Variants in CDK14 observed in about 807,000 individuals in gnomAD.
CDK14 encodes cyclin dependent kinase 14.
In CDK14, 34 loss-of-function variants were observed where a neutral mutation model predicts 60.7. That is an observed-to-expected ratio of 0.56 (90% confidence interval 0.43 to 0.75). The LOEUF is 0.75. Ranked by LOEUF, CDK14 falls within the 30% of genes least tolerant of loss-of-function variation. The pLI is 0.00. For missense variants in CDK14, 482 were observed against 564.1 expected (o/e 0.85, Z 1.47); for synonymous variants, 197 against 203.7 (o/e 0.97, Z 0.28).
intron 14 of CDK14, among the ~76,000 whole-genome samples, chr7:91,174,043 AC>A (rs1203043678): frequency 6.6e-6 from 1 of 152,142 alleles, no homozygotes; most frequent in Non-Finnish European, 1.5e-5. Flanking sequence ...ACCTCCGCAG[AC>A]TTAAATGTCC....
intron 10 of CDK14, among the ~76,000 whole-genome samples, chr7:91,033,031 A>T (rs1291494525): frequency 2.0e-5 from 3 of 152,188 alleles, no homozygotes; most frequent in Non-Finnish European, 4.4e-5. Flanking sequence ...GAACAACAAG[A>T]TGGTGAGCAA....
intron 3 of CDK14, among the ~76,000 whole-genome samples, chr7:90,744,650 C>T (rs994629742): frequency 1.4e-5 from 2 of 147,480 alleles, no homozygotes; most frequent in South Asian, 4.3e-4. Flanking sequence ...CTGACCCCCC[C>T]ACCTCCCTCC....
intron 2 of CDK14, among the ~76,000 whole-genome samples, chr7:90,630,554 T>G (rs1197479690): frequency 1.3e-5 from 2 of 152,244 alleles, no homozygotes; most frequent in African/African-American, 4.8e-5. Flanking sequence ...AAAGTTGTAC[T>G]TTGACTTATT....
At chr7:90,953,753 C>A (rs1306522979) in intron 8 of CDK14, among the ~76,000 whole-genome samples, 8 of 152,126 alleles carry the variant, frequency 5.3e-5, no homozygotes, top group Admixed American at 5.2e-4. Context: ...TTTGTAGCAT[C>A]CCATTTGACT....
intron 8 of CDK14, among the ~76,000 whole-genome samples, chr7:90,942,301 C>T (rs1365378650): frequency 6.6e-6 from 1 of 152,154 alleles, no homozygotes; most frequent in Non-Finnish European, 1.5e-5. Context: ...CCTGGGAAGT[C>T]TCATCTTAGA....
intron 5 of CDK14, among the ~76,000 whole-genome samples, chr7:90,820,775 AC>A (rs1229801952): frequency 6.6e-6 from 1 of 152,134 alleles, no homozygotes; most frequent in Admixed American, 6.5e-5. Context: ...ATTTCAGAAA[AC>A]CTACTATAAC....
intron 14 of CDK14, among the ~76,000 whole-genome samples, chr7:91,181,697 A>C (rs1802007276): frequency 6.6e-6 from 1 of 152,140 alleles, no homozygotes; most frequent in South Asian, 2.1e-4. Flanking sequence ...TATCCTCCAA[A>C]GGTGATGGAT....
At chr7:90,735,495 T>G (rs1803058176) in intron 3 of CDK14, among the ~76,000 whole-genome samples, 1 of 152,206 alleles carries the variant, frequency 6.6e-6, no homozygotes, top group Non-Finnish European at 1.5e-5. Flanking sequence ...TGCCTTTCTT[T>G]CAGAAATGCC....
At chr7:91,154,395 A>G (rs1253023666) in intron 14 of CDK14, among the ~76,000 whole-genome samples, 1 of 151,892 alleles carries the variant, frequency 6.6e-6, no homozygotes, top group Non-Finnish European at 1.5e-5. Flanking sequence ...AGATCTCTGT[A>G]TATAAATCTT....
chr7:90,888,620 T>C lies in CDK14; in HGVS notation c.640-10671T>C, dbSNP rs139165905. Among the ~76,000 whole-genome samples the C allele has an allele frequency of 5.6e-3, 856 of 152,330 alleles. 7 individuals carry two copies. The highest frequency in any genetic ancestry group is 0.019 in the African/African-American group (807 of 41,576). ...CACCCTGTGATTTCGAGATCTTCCA[T>C]ATTCCTATCAGAGTGGCTCCAGAAA... is the stretch of plus-strand genomic sequence containing the variant. On this transcript the variant is annotated intron_variant, in intron 6 of 14. Transcript: ENST00000380050.
chr7:91,180,319 A>G (rs913252248), intron 14 of CDK14, among the ~76,000 whole-genome samples: 13 of 152,226 alleles, frequency 8.5e-5, no homozygotes, highest in African/African-American at 3.1e-4. Context: ...AAGTTTAAAT[A>G]ATAATACAAT....
At chr7:90,763,288 A>G (rs1415883343) in intron 4 of CDK14, among the ~76,000 whole-genome samples, 1 of 152,224 alleles carries the variant, frequency 6.6e-6, no homozygotes, top group Non-Finnish European at 1.5e-5. Context: ...TGATCTGATC[A>G]GTACTGCCAA....
intron 14 of CDK14, among the ~76,000 whole-genome samples, chr7:91,205,200 G>T (rs1802853014): frequency 6.6e-6 from 1 of 152,062 alleles, no homozygotes; most frequent in African/African-American, 2.4e-5. Context: ...ATACCCAAAA[G>T]AATGGAAAAC....
In CDK14 at chr7:90,899,913, C is replaced by G. The variant is rs189342296; in HGVS notation, c.702+560C>G. 1.8e-3 allele frequency among the ~76,000 whole-genome samples: 274 copies of G among 152,208 alleles called. 1 individual carries two copies. The highest frequency in any genetic ancestry group is 3.4e-3 in the Non-Finnish European group (233 of 67,988). On this transcript the variant is annotated intron_variant, in intron 7 of 14. Transcript: ENST00000380050. ...GAAATTATTCCAAAATTTCAAGCTT[C>G]TTGGTATATGCAATAGAATTAGAAG...
chr7:90,999,839 AG>A (rs1264065024), intron 10 of CDK14, among the ~76,000 whole-genome samples: 1 of 152,234 alleles, frequency 6.6e-6, no homozygotes, highest in African/African-American at 2.4e-5. Flanking sequence ...TTGAGTTTTA[AG>A]AGTGGCCTAT....
Position 91,185,510 on chromosome 7 carries a change from T to A in CDK14, c.*29-21655T>A, listed in dbSNP as rs190320364. 6.6e-5 allele frequency among the ~76,000 whole-genome samples: 10 copies of A among 152,220 alleles called. No homozygotes were observed. The East Asian group carries it at 1.7e-3, about 26-fold the overall frequency. ...TAGAACTACTTTCCATTAGTACATATTCCTATAATGATTTATCTATATACC... is the reference window on the plus strand; with the variant it reads ...TAGAACTACTTTCCATTAGTACATAATCCTATAATGATTTATCTATATACC... On this transcript the variant is annotated intron_variant, in intron 14 of 14. Coordinates refer to ENST00000380050, the MANE Select transcript of CDK14 (RefSeq NM_001287135.2).
chr7:90,997,091 G>C (rs889462891), intron 10 of CDK14, among the ~76,000 whole-genome samples: 1 of 152,118 alleles, frequency 6.6e-6, no homozygotes, highest in African/African-American at 2.4e-5. Flanking sequence ...ATTTTTCTCT[G>C]ATTTTTCAAT....
chr7:90,635,906 G>A (rs920096970), intron 2 of CDK14, among the ~76,000 whole-genome samples: 7 of 151,818 alleles, frequency 4.6e-5, no homozygotes, highest in Admixed American at 4.6e-4. Context: ...ATTGTGAATG[G>A]GAGTTCACTC....
intron 5 of CDK14, among the ~76,000 whole-genome samples, chr7:90,814,665 G>A (rs1013089243): frequency 3.3e-5 from 5 of 152,048 alleles, no homozygotes; most frequent in Non-Finnish European, 5.9e-5. Flanking sequence ...ACCTGTAATC[G>A]CAGCTACTAG....
Sources: allele counts gnomAD v4.1 joint callset (sites outside exome capture counted in the v4.1 genomes callset), GRCh38; gene constraint gnomAD v4.1.1; transcripts MANE v1.5; gene names NCBI Gene and HGNC (gene_info 2026-07-23, HGNC 2026-07-21).